The following WWOX variants were observed in gnomAD, a reference collection of about 807,000 sequenced individuals.
WWOX encodes the protein WW domain-containing oxidoreductase.
Under a neutral mutation model 46.2 loss-of-function variants are expected in WWOX, and 69 were observed. That is an observed-to-expected ratio of 1.49 (90% CI 1.23 to 1.82). WWOX has a LOEUF of 1.82. Ranked by LOEUF, WWOX falls within the 40% of genes most tolerant of loss-of-function variation. The pLI is 0.00. For synonymous variants in WWOX, 359 were observed against 202.6 expected (o/e 1.77, Z -6.56); for missense variants, 919 against 542.6 (o/e 1.69, Z -6.89).
At chr16:78,476,395 G>C (rs1163450681) in intron 8 of WWOX, among the ~76,000 whole-genome samples, 6 of 152,114 alleles carry the variant, frequency 3.9e-5, no homozygotes, top group African/African-American at 1.4e-4. Flanking sequence ...TCATAGGTGG[G>C]AATTGAACAA....
chr16:78,130,901 G>A (rs561676045), intron 4 of WWOX, among the ~76,000 whole-genome samples: 8 of 152,280 alleles, frequency 5.3e-5, no homozygotes, highest in East Asian at 1.9e-4. Flanking sequence ...CAGTGTCATC[G>A]TTGTGCAACC....
At chr16:78,300,686 C>T (rs2080024757) in intron 5 of WWOX, among the ~76,000 whole-genome samples, 1 of 152,162 alleles carries the variant, frequency 6.6e-6, no homozygotes, top group Admixed American at 6.5e-5. Context: ...CCATTTTCAG[C>T]TATGCCATAA....
At position 78,355,608 on chromosome 16, in the gene WWOX, G is replaced by A. The variant is rs112344136; in HGVS notation, c.517-31252G>A. 474 of 552,614 alleles carry A rather than the reference G, an allele frequency of 8.6e-4. 2 individuals carry two copies. In the African/African-American group the frequency reaches 8.7e-3, roughly 10 times the overall value. 34.2% of individuals were successfully genotyped at this position (552,614 alleles called of 1,614,324 possible). A position where few individuals can be genotyped will look rare whatever the true frequency, so the allele number is the denominator to read the frequency against. The stretch of plus-strand genomic sequence containing the variant: ...GATCTTAGGCTCAGCCCAGAGGAGC[G>A]AATTTGTGTGAAAATGAGAAACGAC... On this transcript the variant is annotated intron_variant, in intron 5 of 8. Transcript: ENST00000566780.
chr16:78,913,256 G>A (rs1198015233), intron 8 of WWOX, among the ~76,000 whole-genome samples: 2 of 151,930 alleles, frequency 1.3e-5, no homozygotes, highest in Admixed American at 6.6e-5. Flanking sequence ...CTTCACATAA[G>A]CAGAGGCCCC....
intron 8 of WWOX, among the ~76,000 whole-genome samples, chr16:78,537,316 C>G (rs757387952): frequency 6.6e-6 from 1 of 152,036 alleles, no homozygotes; most frequent in Non-Finnish European, 1.5e-5. Flanking sequence ...TGAAATAACC[C>G]AATGATACAT....
intron 8 of WWOX, among the ~76,000 whole-genome samples, chr16:78,756,205 C>T (rs115007840): frequency 5.3e-5 from 8 of 152,268 alleles, no homozygotes; most frequent in South Asian, 2.1e-4. Context: ...TTGACACATA[C>T]GCTTTTTCTC....
chr16:78,705,473 T>C (rs1025054972), intron 8 of WWOX, among the ~76,000 whole-genome samples: 1 of 152,184 alleles, frequency 6.6e-6, no homozygotes, highest in Non-Finnish European at 1.5e-5. Flanking sequence ...TGTTCTGTCA[T>C]CAGTTTGTCA....
At chr16:78,296,658 A>T (rs1265481587) in intron 5 of WWOX, among the ~76,000 whole-genome samples, 1 of 152,140 alleles carries the variant, frequency 6.6e-6, no homozygotes, top group Non-Finnish European at 1.5e-5. Context: ...AAATAAAAAA[A>T]AATCAACATT....
At chr16:78,158,667 C>G (rs1234900544) in intron 4 of WWOX, among the ~76,000 whole-genome samples, 1 of 151,962 alleles carries the variant, frequency 6.6e-6, no homozygotes, top group Non-Finnish European at 1.5e-5. Flanking sequence ...ATCTTAAGAT[C>G]TTCTTTGGGT....
chr16:78,597,983 C>A (rs994642971), intron 8 of WWOX, among the ~76,000 whole-genome samples: 13 of 152,084 alleles, frequency 8.5e-5, no homozygotes, highest in African/African-American at 3.1e-4. Flanking sequence ...TTTAGAAATG[C>A]AATTTTCAGC....
rs75986053 is a variant in WWOX at position 78,891,277 on chromosome 16, C to G, written c.1057-320331C>G. ...GGATTGTTGATCTGTAAATCTCAGCCTAGTGCTTTCAACTCCTGGCTTTCT... is the reference window on the plus strand; with the variant it reads ...GGATTGTTGATCTGTAAATCTCAGCGTAGTGCTTTCAACTCCTGGCTTTCT... On this transcript the variant is annotated intron_variant, in intron 8 of 8. Coordinates refer to ENST00000566780, the MANE Select transcript of WWOX (RefSeq NM_016373.4). 1,099 of 152,202 alleles carry G rather than the reference C, an allele frequency of 7.2e-3. 2 individuals are homozygous for G. Among genetic ancestry groups the G allele is most frequent in the Middle Eastern group, 0.017 (5 of 294 alleles). 9.4% of individuals were successfully genotyped at this position (152,202 alleles called of 1,614,324 possible). A position where few individuals can be genotyped will look rare whatever the true frequency, so the allele number is the denominator to read the frequency against.
chr16:78,518,681 A>G (rs1473724141), intron 8 of WWOX, among the ~76,000 whole-genome samples: 1 of 152,216 alleles, frequency 6.6e-6, no homozygotes, highest in Non-Finnish European at 1.5e-5. Context: ...CCGATTGTTC[A>G]GCAGCCACCA....
At chr16:78,552,289 T>C (rs1167335409) in intron 8 of WWOX, 2 of 152,222 alleles carry the variant, frequency 1.3e-5, no homozygotes, top group African/African-American at 4.8e-5. Flanking sequence ...CAAAGCCATC[T>C]GCTTCCATAC....
At chr16:78,952,502 C>T (rs549442100) in intron 8 of WWOX, among the ~76,000 whole-genome samples, 1 of 151,990 alleles carries the variant, frequency 6.6e-6, no homozygotes, top group South Asian at 2.1e-4. Flanking sequence ...CCTGCCTCTG[C>T]CTCCTGAGTA....
intron 8 of WWOX, among the ~76,000 whole-genome samples, chr16:78,653,297 T>A (rs940051309): frequency 6.6e-6 from 1 of 152,354 alleles, no homozygotes; most frequent in Admixed American, 6.5e-5. Context: ...ATTTATAATT[T>A]GGACACTATT....
chr16:79,190,305 G>A (rs779048311), intron 8 of WWOX, among the ~76,000 whole-genome samples: 129 of 152,202 alleles, frequency 8.5e-4, no homozygotes, highest in Non-Finnish European at 9.7e-4. Context: ...GATTACAGGC[G>A]TGAGCCACCG....
intron 8 of WWOX, among the ~76,000 whole-genome samples, chr16:78,647,294 G>A (rs2046866113): frequency 6.6e-6 from 1 of 152,146 alleles, no homozygotes; most frequent in Non-Finnish European, 1.5e-5. Context: ...AAGGGGAGTG[G>A]ATGCTGGCCC....
At chr16:79,082,234 C>T (rs561502158) in intron 8 of WWOX, among the ~76,000 whole-genome samples, 1 of 152,266 alleles carries the variant, frequency 6.6e-6, no homozygotes, top group Admixed American at 6.5e-5. Flanking sequence ...TAATATATGT[C>T]GCCTTGGGAA....
At chr16:78,173,796 T>C (rs1341040791) in intron 5 of WWOX, among the ~76,000 whole-genome samples, 1 of 152,184 alleles carries the variant, frequency 6.6e-6, no homozygotes, top group African/African-American at 2.4e-5. Context: ...AACAAAAATA[T>C]CATACAATGA....
Sources: allele counts gnomAD v4.1 joint callset (sites outside exome capture counted in the v4.1 genomes callset), GRCh38; gene constraint gnomAD v4.1.1; transcripts MANE v1.5; gene names NCBI Gene and HGNC (gene_info 2026-07-23, HGNC 2026-07-21).